The following EVX1 variants were observed in gnomAD, a reference collection of about 807,000 sequenced individuals.
EVX1 encodes homeobox even-skipped homolog protein 1.
Under a neutral mutation model 28.6 loss-of-function variants are expected in EVX1, and 19 were observed. The observed-to-expected ratio is 0.67, with a 90% CI of 0.46 to 0.98. The LOEUF is 0.98. EVX1 is among the 50% of genes least tolerant of loss of function. EVX1 has a pLI of 0.00. For synonymous variants in EVX1, 324 were observed against 278.2 expected (o/e 1.16, Z -1.64); for missense variants, 660 against 583.0 (o/e 1.13, Z -1.36).
Position 27,246,863 on chromosome 7 carries a change from GTC to G in EVX1, c.*444_*445del, listed in dbSNP as rs1217753435. ...CCAAGCACTGGAAAGGGAAATTGCT[GTC>G]TCTCTGAACAAAATGCTGTGTATGC... On this transcript the variant is annotated 3_prime_UTR_variant, in exon 3 of 3. Transcript: ENST00000496902. 4.3e-6 allele frequency: 1 copy of G among 230,662 alleles called. No homozygotes were observed. Among genetic ancestry groups the G allele is most frequent in the Non-Finnish European group, 8.3e-6 (1 of 120,358 alleles). 14.3% of individuals were successfully genotyped at this position (230,662 alleles called of 1,614,324 possible).
rs762592999 is a variant in EVX1 at position 27,245,207 on chromosome 7, C to T, written c.587C>T (p.Ala196Val). 6.2e-7 allele frequency: 1 copy of T among 1,613,668 alleles called. No homozygotes were observed. Among genetic ancestry groups the T allele is most frequent in the South Asian group, 1.1e-5 (1 of 91,086 alleles). The change falls in exon 2 of 3, where the codon GCG becomes GTG. Residue 196 changes from alanine to valine, a missense_variant. Ala to Val is a moderately conservative substitution (Grantham distance 64). Around this residue, in one of 3 missense-constraint regions of EVX1, gnomAD observed 53 missense variants for 85.1 expected, o/e 0.62. Coordinates refer to ENST00000496902, the MANE Select transcript of EVX1 (RefSeq NM_001989.5). ...ACCGCCTTCACCCGAGAGCAGATTG[C>T]GCGGCTGGAGAAGGAATTCTACCGG... ...YRTAFTREQI[A>V]RLEKEFYREN...
chr7:27,244,369 GGGC>G, intron 1 of EVX1: 40 of 344,940 alleles, frequency 1.2e-4, no homozygotes, highest in Non-Finnish European at 1.5e-4. Flanking sequence ...AAGAGCCTGG[GGGC>G]GGGGGGGAGA....
rs772635769 is a variant in EVX1 at position 27,246,128 on chromosome 7, G to T, written c.927G>T (p.Thr309=). The part of the protein sequence containing the change: ...PFSGSLRPLD[T]FRVLSQPYPR... ...GCGGCTCGCTGCGCCCGCTCGACAC[G>T]TTCCGCGTGCTGTCGCAGCCCTACC... The change falls in exon 3 of 3, where the codon ACG becomes ACT. Residue 309 remains threonine, a synonymous_variant. Transcript: ENST00000496902. The T allele has an allele frequency of 3.9e-5, 60 of 1,535,016 alleles. No individual in the cohort carries two copies. The highest frequency in any genetic ancestry group is 3.8e-4 in the Middle Eastern group (2 of 5,308).
At chr7:27,245,002 G>T (rs1037895015) in intron 1 of EVX1, 46 bp from the exon 2 acceptor site, 2 of 1,579,548 alleles carry the variant, frequency 1.3e-6, no homozygotes, top group Non-Finnish European at 1.7e-6. Context: ...AATGGCGTTT[G>T]TGTGTCTGTG....
intron 1 of EVX1, 78 bp from the exon 2 acceptor site, chr7:27,244,970 C>T (rs1783130011): frequency 1.3e-6 from 2 of 1,542,602 alleles, no homozygotes; most frequent in Admixed American, 1.8e-5. Context: ...ACCCTCCCAC[C>T]TTAGGCCTAC....
chr7:27,247,582 T>A lies in EVX1; in HGVS notation c.*1157T>A, dbSNP rs922633001. ...CTGTCCCTTTTGGGGACCCTGTCTGTGGCCTCCACCAGGGTTTGTTTAGAG... is the reference window on the plus strand; with the variant it reads ...CTGTCCCTTTTGGGGACCCTGTCTGAGGCCTCCACCAGGGTTTGTTTAGAG... On this transcript the variant is annotated 3_prime_UTR_variant, in exon 3 of 3. Coordinates refer to ENST00000496902, the MANE Select transcript of EVX1 (RefSeq NM_001989.5). The A allele has an allele frequency of 2.0e-5, 3 of 152,184 alleles. No homozygotes were observed. Among genetic ancestry groups the A allele is most frequent in the Non-Finnish European group, 4.4e-5 (3 of 68,028 alleles). The allele number at this position is 152,184 out of a possible 1,614,324, so 9.4% of individuals were successfully genotyped here. A position where few individuals can be genotyped will look rare whatever the true frequency, so the allele number is the denominator to read the frequency against.
chr7:27,244,712 T>G (rs17501843), intron 1 of EVX1, among the ~76,000 whole-genome samples: 4,022 of 152,306 alleles, frequency 0.026, 189 homozygotes, highest in African/African-American at 0.093. Flanking sequence ...TCAACTCATG[T>G]GCCTGTCAGA....
In EVX1 at chr7:27,246,413, C is replaced by T. The variant is rs1783192501; in HGVS notation, c.1212C>T (p.Pro404=). ...CGCTGGACCAGAGGGAGGAGGTGCC[C>T]CTCACTAGATAAGGGGCCGCCGGCT... is the stretch of plus-strand genomic sequence containing the variant. ...SVALDQREEV[P]LTR The change falls in exon 3 of 3, where the codon CCC becomes CCT. Residue 404 remains proline, a synonymous_variant. Transcript: ENST00000496902. The T allele has an allele frequency of 1.3e-6, 2 of 1,598,046 alleles. No homozygotes were observed. Among genetic ancestry groups the T allele is most frequent in the Non-Finnish European group, 8.5e-7 (1 of 1,177,010 alleles).
chr7:27,243,575 T>A, intron 1 of EVX1, 118 bp downstream of exon 1: 1 of 1,088,834 alleles, frequency 9.2e-7, no homozygotes, highest in Non-Finnish European at 1.3e-6. Flanking sequence ...GGGACCCACC[T>A]GAGCAACTCT....
rs1271387771 is a variant in EVX1, at chr7:27,246,289, G to C, written c.1088G>C (p.Arg363Pro). The C allele has an allele frequency of 1.3e-6, 2 of 1,581,442 alleles. No individual in the cohort carries two copies. The highest frequency in any genetic ancestry group is 8.5e-7 in the Non-Finnish European group (1 of 1,171,280). Residue 363 changes from arginine (R) to proline (P), a missense_variant, in exon 3 of 3, where the codon CGG becomes CCG. Physicochemically the swap from Arg to Pro is moderately radical, Grantham distance 103 (BLOSUM62 -2). This residue lies in a region of EVX1 where 299 missense variants were observed against 241.3 expected (regional missense o/e 1.24). Coordinates refer to ENST00000496902, the MANE Select transcript of EVX1 (RefSeq NM_001989.5). ...HSGPANGLAP[R>P]AAAASDFTCA... ...GGCCCGGCCAACGGGCTGGCGCCCC[G>C]GGCTGCCGCCGCCTCGGACTTCACC... is the stretch of plus-strand genomic sequence containing the variant.
intron 1 of EVX1, chr7:27,244,505 T>C: frequency 4.0e-6 from 4 of 988,074 alleles, no homozygotes; most frequent in Non-Finnish European, 4.8e-6. Flanking sequence ...TGGACTCCAC[T>C]CACATATACT....
In EVX1 at chr7:27,247,389, T is replaced by TCG; in HGVS notation, c.*965_*966dup. ...GGAGTGGGAACTTCACCTCCCTCTCTCGGTATCTGGCGGTAAATTAGAGGC... is the reference window on the plus strand; with the variant it reads ...GGAGTGGGAACTTCACCTCCCTCTCTCGCGGTATCTGGCGGTAAATTAGAGGC... On this transcript the variant is annotated 3_prime_UTR_variant, in exon 3 of 3. Coordinates refer to ENST00000496902, the MANE Select transcript of EVX1 (RefSeq NM_001989.5). 6.6e-6 allele frequency: 1 copy of TCG among 152,354 alleles called. No homozygotes were observed. Among genetic ancestry groups the TCG allele is most frequent in the African/African-American group, 2.4e-5 (1 of 41,584 alleles). The allele number at this position is 152,354 out of a possible 1,614,324, so 9.4% of individuals were successfully genotyped here.
At position 27,245,745 on chromosome 7, in the gene EVX1, G is replaced by A. The variant is rs1228413913; in HGVS notation, c.685-141G>A. The A allele has an allele frequency of 7.1e-6, 8 of 1,131,056 alleles. No individual in the cohort carries two copies. The Admixed American group carries it at 1.7e-4, about 24-fold the overall frequency. The allele number at this position is 1,131,056 out of a possible 1,614,324, so 70.1% of individuals were successfully genotyped here. On this transcript the variant is annotated intron_variant, in intron 2 of 2. Coordinates refer to ENST00000496902, the MANE Select transcript of EVX1 (RefSeq NM_001989.5). ...GGGATTCCAGCTCCAGGTGGTGGTG[G>A]TGGGGTCGGTCTCTACCCGGCTGGT...
At position 27,245,106 on chromosome 7, in the gene EVX1, C is replaced by T; in HGVS notation, c.486C>T (p.Ser162=). 1 of 1,613,154 alleles carries T rather than the reference C, an allele frequency of 6.2e-7. No homozygotes were observed. Among genetic ancestry groups the T allele is most frequent in the African/African-American group, 1.3e-5 (1 of 75,074 alleles). The change falls in exon 2 of 3, where the codon AGC becomes AGT. Residue 162 remains serine, a synonymous_variant. Coordinates refer to ENST00000496902, the MANE Select transcript of EVX1 (RefSeq NM_001989.5). ...SPNGGSETPK[S]NGGSGGGGSQ... is the part of the protein sequence containing the mutation. ...ACGGAGGGAGCGAGACCCCCAAGAG[C>T]AACGGCGGCAGTGGTGGGGGCGGCT... is the stretch of plus-strand genomic sequence containing the variant.
chr7:27,247,550 G>T lies in EVX1; in HGVS notation c.*1125G>T, dbSNP rs559897826. 6.6e-6 allele frequency: 1 copy of T among 152,248 alleles called. No individual in the cohort carries two copies. The highest frequency in any genetic ancestry group is 1.9e-4 in the East Asian group (1 of 5,172). 9.4% of individuals were successfully genotyped at this position (152,248 alleles called of 1,614,324 possible). A position where few individuals can be genotyped will look rare whatever the true frequency, so the allele number is the denominator to read the frequency against. On this transcript the variant is annotated 3_prime_UTR_variant, in exon 3 of 3. Transcript: ENST00000496902. ...GAGCTTGACTTTCAGATACCAGTGG[G>T]AGCCTTCTGTCCCTTTTGGGGACCC...
rs369569472 is a variant in EVX1, at chr7:27,242,995, T to C, written c.-36T>C. On this transcript the variant is annotated 5_prime_UTR_variant, in exon 1 of 3. Coordinates refer to ENST00000496902, the MANE Select transcript of EVX1 (RefSeq NM_001989.5). Reference sequence around the variant, plus strand: ...CAGGGAGCCGGGGTTAGGAACTCACTTGGGGCTTTCCCCTCCCCCACCGGA... The same window carrying C: ...CAGGGAGCCGGGGTTAGGAACTCACCTGGGGCTTTCCCCTCCCCCACCGGA... The C allele has an allele frequency of 1.8e-4, 270 of 1,505,640 alleles. 1 individual carries two copies. The South Asian group carries it at 3.3e-3, about 18-fold the overall frequency. The allele number at this position is 1,505,640 out of a possible 1,614,324, so 93.3% of individuals were successfully genotyped here. A position where few individuals can be genotyped will look rare whatever the true frequency, so the allele number is the denominator to read the frequency against.
In EVX1 at chr7:27,243,302, T is replaced by C. The variant is rs780837066; in HGVS notation, c.272T>C (p.Met91Thr). ...GAGCCCCAGGTAGCTGGGGCGGCCATGCTCGGCCCAGGACCCCCGGCCCCC... is the reference window on the plus strand; with the variant it reads ...GAGCCCCAGGTAGCTGGGGCGGCCACGCTCGGCCCAGGACCCCCGGCCCCC... ...GAEPQVAGAAMLGPGPPAPSV... is the reference protein window; with the variant it reads ...GAEPQVAGAATLGPGPPAPSV... Residue 91 changes from methionine (M) to threonine (T), a missense_variant, in exon 1 of 3, where the codon ATG (methionine) becomes ACG (threonine). This residue lies in a region of EVX1 where 308 missense variants were observed against 256.6 expected (regional missense o/e 1.20). Transcript: ENST00000496902. 6 of 1,564,438 alleles carry C rather than the reference T, an allele frequency of 3.8e-6. No homozygotes were observed. In the Admixed American group the frequency reaches 5.7e-5, roughly 15 times the overall value.
rs1002920580 is a variant in EVX1 at position 27,246,580 on chromosome 7, A to G, written c.*155A>G. On this transcript the variant is annotated 3_prime_UTR_variant, in exon 3 of 3. Coordinates refer to ENST00000496902, the MANE Select transcript of EVX1 (RefSeq NM_001989.5). ...AAAAGGACCAGCGGGATCCGGCCGC[A>G]AGAATTGGAAAGCCTAGGAAGTGGC... is the stretch of plus-strand genomic sequence containing the variant. 1.3e-6 allele frequency: 1 copy of G among 791,622 alleles called. No individual in the cohort carries two copies. Among genetic ancestry groups the G allele is most frequent in the African/African-American group, 1.8e-5 (1 of 54,538 alleles). The allele number at this position is 791,622 out of a possible 1,614,324, so 49.0% of individuals were successfully genotyped here. A position where few individuals can be genotyped will look rare whatever the true frequency, so the allele number is the denominator to read the frequency against.
chr7:27,245,412 C>T (rs572845446), intron 2 of EVX1, 108 bp downstream of exon 2: 71 of 1,484,628 alleles, frequency 4.8e-5, no homozygotes, highest in Non-Finnish European at 5.9e-5. Context: ...CCTGGGGTCT[C>T]CCTGCCCGGC....
Sources: gnomAD v4.1 joint callset for allele counts (sites outside exome capture counted in the v4.1 genomes callset) on GRCh38, gnomAD v4.1.1 for gene constraint, gnomAD v4.1.1 regional missense constraint, MANE v1.5 for transcripts, NCBI Gene and HGNC (gene_info 2026-07-23, HGNC 2026-07-21) for gene names.